Variants in LAP3 observed in about 807,000 individuals in gnomAD.
The protein encoded by LAP3 is leucine aminopeptidase 3, also known as cytosol aminopeptidase.
A neutral mutation model predicts 58.8 loss-of-function variants in LAP3; 46 were observed. That is an observed-to-expected ratio of 0.78 (90% CI 0.62 to 1.00). The LOEUF (loss-of-function observed/expected upper bound fraction) is 1.00, where lower values mean the gene tolerates loss of function less well. Ranked by LOEUF, LAP3 falls within the 50% of genes least tolerant of loss-of-function variation. LAP3 has a pLI of 0.00. For missense variants in LAP3, 615 were observed against 659.1 expected, an observed-to-expected ratio of 0.93 and a Z score of 0.73; for synonymous variants, 257 against 237.7, an observed-to-expected ratio of 1.08 and a Z score of -0.75.
intron 7 of LAP3, among the ~76,000 whole-genome samples, chr4:17,591,341 C>A (rs1713685841): frequency 6.6e-6 from 1 of 151,364 alleles, no homozygotes; most frequent in Non-Finnish European, 1.5e-5. Flanking sequence ...TGGGGTTTCA[C>A]CATGTTGGCC....
intron 8 of LAP3, 84 bp from the exon 9 acceptor site, chr4:17,596,962 T>C (rs1386303920): frequency 8.1e-7 from 1 of 1,239,068 alleles, no homozygotes; most frequent in South Asian, 1.2e-5. Context: ...TTGCTTCTCA[T>C]GGCTCACAGG....
Position 17,584,972 on chromosome 4 carries a change from T to G in LAP3, c.540T>G (p.Ser180Arg), listed in dbSNP as rs764698696. ...AGTCACTTTATCTTTCTTCTGCCAG[T>G]GGGGATCAGGAGGCCTGGCAGAAAG... is the stretch of plus-strand genomic sequence containing the variant. ...KMAVSAKLYG[S>R]GDQEAWQKGV... is the part of the protein sequence containing the mutation. The change falls in exon 6 of 13, where the codon AGT (serine) becomes AGG (arginine). Residue 180 changes from serine to arginine, a missense_variant and splice_region_variant. Coordinates refer to ENST00000226299, the MANE Select transcript of LAP3 (RefSeq NM_015907.3). 6.2e-7 allele frequency: 1 copy of G among 1,613,502 alleles called. No homozygotes were observed. Among genetic ancestry groups the G allele is most frequent in the South Asian group, 1.1e-5 (1 of 91,004 alleles).
chr4:17,605,930 A>C (rs1714115726), intron 11 of LAP3, among the ~76,000 whole-genome samples: 1 of 152,250 alleles, frequency 6.6e-6, no homozygotes, highest in South Asian at 2.1e-4. Context: ...CTTATGTCTT[A>C]AAATAACAGC....
chr4:17,585,174 G>A, intron 6 of LAP3, 38 bp downstream of exon 6: 2 of 1,528,240 alleles, frequency 1.3e-6, no homozygotes. Context: ...AGATGTTACA[G>A]CCAGAAGGAG....
At chr4:17,585,312 T>C in intron 6 of LAP3, 176 bp downstream of exon 6, 1 of 549,656 alleles carries the variant, frequency 1.8e-6, no homozygotes, top group Non-Finnish European at 3.3e-6. Flanking sequence ...TCTTTCTATC[T>C]TTCCTTGCCT....
At chr4:17,584,398 C>T (rs1713449422) in intron 5 of LAP3, among the ~76,000 whole-genome samples, 1 of 152,218 alleles carries the variant, frequency 6.6e-6, no homozygotes. Flanking sequence ...GTTACTCACC[C>T]ACCTCTGTGC....
chr4:17,579,796 T>C (rs761715622), intron 1 of LAP3, 28 bp from the exon 2 acceptor site: 3 of 1,300,240 alleles, frequency 2.3e-6, no homozygotes, highest in Middle Eastern at 1.9e-4. Flanking sequence ...CTAATTCTAT[T>C]ATATTTACGT....
chr4:17,579,605 G>A (rs961852482), intron 1 of LAP3, among the ~76,000 whole-genome samples: 4 of 152,274 alleles, frequency 2.6e-5, no homozygotes, highest in Middle Eastern at 3.4e-3. Flanking sequence ...TGTCCAGGAC[G>A]GGCAGTGATG....
In LAP3 at chr4:17,595,397, C is replaced by T; in HGVS notation, c.864-13C>T. On this transcript the variant is annotated splice_polypyrimidine_tract_variant and intron_variant, in intron 7 of 12. Coordinates refer to ENST00000226299, the MANE Select transcript of LAP3 (RefSeq NM_015907.3). ...TTTGCTCTTAATATTGCACGTTGTC[C>T]ATTTCCCCATAGTGGTGGTATCTCC... 1 of 1,612,572 alleles carries T rather than the reference C, an allele frequency of 6.2e-7. No individual in the cohort carries two copies. The highest frequency in any genetic ancestry group is 8.5e-7 in the Non-Finnish European group (1 of 1,179,250).
In LAP3 at chr4:17,600,118, A is replaced by G. The variant is rs558427391; in HGVS notation, c.1180+1560A>G. On this transcript the variant is annotated intron_variant, in intron 10 of 12. Coordinates refer to ENST00000226299, the MANE Select transcript of LAP3 (RefSeq NM_015907.3). Reference sequence around the variant, plus strand: ...GTTCTCTTCCTAGTAATTCATCCTGACTCTACCCCTTTTTAAAAAAAATTA... The same window carrying G: ...GTTCTCTTCCTAGTAATTCATCCTGGCTCTACCCCTTTTTAAAAAAAATTA... Among the ~76,000 whole-genome samples, 3 of 152,106 alleles carry G rather than the reference A, an allele frequency of 2.0e-5. No individual in the cohort carries two copies. In the South Asian group the frequency reaches 6.2e-4, roughly 32 times the overall value.
At chr4:17,604,438 G>C (rs190807396) in intron 10 of LAP3, 150 bp from the exon 11 acceptor site, 699 of 553,196 alleles carry the variant, frequency 1.3e-3, no homozygotes, top group Non-Finnish European at 1.9e-3. Context: ...AATATGTTAA[G>C]TATGTACAGG....
At chr4:17,601,269 G>A (rs562471976) in intron 10 of LAP3, among the ~76,000 whole-genome samples, 4 of 152,246 alleles carry the variant, frequency 2.6e-5, no homozygotes, top group Non-Finnish European at 5.9e-5. Flanking sequence ...GCTACTAGTA[G>A]TTCTGAAATG....
chr4:17,579,960 C>G (rs368636794), intron 2 of LAP3, 21 bp downstream of exon 2: 2 of 1,401,132 alleles, frequency 1.4e-6, no homozygotes, highest in Non-Finnish European at 2.0e-6. Flanking sequence ...CTTGTGGGCT[C>G]TAGTTCTTAA....
intron 10 of LAP3, among the ~76,000 whole-genome samples, 180 bp downstream of exon 10, chr4:17,598,738 G>A (rs777763159): frequency 1.3e-4 from 19 of 145,654 alleles, no homozygotes; most frequent in Non-Finnish European, 2.3e-4. Flanking sequence ...TAGGTTTGTC[G>A]TTTTAAAACA....
Position 17,607,711 on chromosome 4 carries a change from C to A in LAP3, c.*122C>A. Reference sequence around the variant, plus strand: ...AAGGATGGTATTTAAAAATGTAGAACACAATGAAATTTGTATGCCTTGATT... The same window carrying A: ...AAGGATGGTATTTAAAAATGTAGAAAACAATGAAATTTGTATGCCTTGATT... On this transcript the variant is annotated 3_prime_UTR_variant, in exon 13 of 13. Transcript: ENST00000226299. The A allele has an allele frequency of 6.9e-6, 5 of 725,260 alleles. No homozygotes were observed. The highest frequency in any genetic ancestry group is 1.1e-5 in the Non-Finnish European group (5 of 472,746). The allele number at this position is 725,260 out of a possible 1,614,324, so 44.9% of individuals were successfully genotyped here.
chr4:17,588,951 T>C lies in LAP3; in HGVS notation c.837T>C (p.Phe279=), dbSNP rs1167377948. ...ATGCAAACGAACCACCCCTGGTGTT[T>C]GTTGGGAAAGGAATTACCTTTGACA... The part of the protein sequence containing the change: ...SPNANEPPLV[F]VGKGITFDSG... Residue 279 remains phenylalanine, a synonymous_variant, in exon 7 of 13, where the codon TTT becomes TTC. Transcript: ENST00000226299. 1.9e-6 allele frequency: 3 copies of C among 1,613,984 alleles called. No homozygotes were observed. The highest frequency in any genetic ancestry group is 3.3e-5 in the Admixed American group (2 of 59,986).
Position 17,578,678 on chromosome 4 carries a change from C to A in LAP3, c.102+1111C>A, listed in dbSNP as rs570606880. On this transcript the variant is annotated intron_variant, in intron 1 of 12. Coordinates refer to ENST00000226299, the MANE Select transcript of LAP3 (RefSeq NM_015907.3). ...AAAACATTTTTAAAGTCATAAATTG[C>A]CGTGCAAAAGTAAATACTAAGTATT... Among the ~76,000 whole-genome samples, 28 of 152,306 alleles carry A rather than the reference C, an allele frequency of 1.8e-4. No individual in the cohort carries two copies. The South Asian group carries it at 5.0e-3, about 27-fold the overall frequency.
rs765793043 is a variant in LAP3, at chr4:17,581,719, CA to C, written c.219-37del. ...AGTGTGCCTTCCCAAGTGAACCGAG[CA>C]AAATACTTGTTTTAAAACGACTATT... On this transcript the variant is annotated intron_variant, in intron 2 of 12. Coordinates refer to ENST00000226299, the MANE Select transcript of LAP3 (RefSeq NM_015907.3). The C allele has an allele frequency of 8.3e-6, 13 of 1,558,664 alleles. No individual in the cohort carries two copies. The East Asian group carries it at 2.9e-4, about 35-fold the overall frequency.
chr4:17,579,805 GT>G lies in LAP3; in HGVS notation c.103-13del. The G allele has an allele frequency of 7.0e-7, 1 of 1,419,378 alleles. No homozygotes were observed. The highest frequency in any genetic ancestry group is 1.8e-5 in the Admixed American group (1 of 56,902). The allele number at this position is 1,419,378 out of a possible 1,614,324, so 87.9% of individuals were successfully genotyped here. ...TCTACTCTAATTCTATTATATTTAC[GT>G]TTTTTGCTTATTCCCAGGGCCTTGT... is the stretch of plus-strand genomic sequence containing the variant. On this transcript the variant is annotated intron_variant, in intron 1 of 12. Transcript: ENST00000226299.
Sources: allele counts gnomAD v4.1 joint callset (sites outside exome capture counted in the v4.1 genomes callset), GRCh38; gene constraint gnomAD v4.1.1; transcripts MANE v1.5; gene names NCBI Gene and HGNC (gene_info 2026-07-23, HGNC 2026-07-21).